The following BRF1 variants were observed in gnomAD, a reference collection of about 807,000 sequenced individuals.
The protein encoded by BRF1 is BRF1 general transcription factor IIIB subunit.
In BRF1, 59 loss-of-function variants were observed where a neutral mutation model predicts 81.7. The ratio of observed to expected loss-of-function variants is 0.72; its 90% CI spans 0.59 to 0.90. BRF1 has a LOEUF of 0.90. Ranked by LOEUF, BRF1 falls within the 40% of genes least tolerant of loss-of-function variation. The probability of loss-of-function intolerance (pLI) is 0.00; values close to 1 mark genes in which losing one functional copy is unlikely to be tolerated. For missense variants in BRF1, 1,050 were observed against 936.3 expected, an observed-to-expected ratio of 1.12 and a Z score of -1.58; for synonymous variants, 491 against 395.6, an observed-to-expected ratio of 1.24 and a Z score of -2.86.
At chr14:105,259,871 T>C (rs889223888) in intron 3 of BRF1, among the ~76,000 whole-genome samples, 11 of 151,978 alleles carry the variant, frequency 7.2e-5, no homozygotes, top group African/African-American at 2.4e-4. Context: ...GATGGAACCA[T>C]ACTGCACTCA....
At chr14:105,287,645 C>G (rs1354864230) in intron 1 of BRF1, among the ~76,000 whole-genome samples, 1 of 152,192 alleles carries the variant, frequency 6.6e-6, no homozygotes, top group South Asian at 2.1e-4. Context: ...AACCATGAGG[C>G]AGGGACCTCA....
chr14:105,217,424 T>C, intron 15 of BRF1, 120 bp downstream of exon 15: 3 of 1,475,658 alleles, frequency 2.0e-6, no homozygotes, highest in Non-Finnish European at 2.7e-6. Flanking sequence ...AGGTGGCAAA[T>C]GCCACTCCAG....
At chr14:105,242,269 C>T (rs1401273398) in intron 5 of BRF1, 2 of 152,172 alleles carry the variant, frequency 1.3e-5, no homozygotes, top group Non-Finnish European at 2.9e-5. Context: ...AAAATACACG[C>T]ACCCGCTGTG....
At chr14:105,247,194 G>A in intron 5 of BRF1, 3 of 985,428 alleles carry the variant, frequency 3.0e-6, no homozygotes, top group Non-Finnish European at 3.6e-6. Flanking sequence ...TCCTTGGCGG[G>A]TGCATCCACA....
intron 11 of BRF1, among the ~76,000 whole-genome samples, chr14:105,221,301 G>A (rs932858781): frequency 6.6e-6 from 1 of 152,308 alleles, no homozygotes; most frequent in African/African-American, 2.4e-5. Context: ...ACGTTCCCCC[G>A]ACCATGTTGG....
At chr14:105,219,395 C>A (rs940714464) in intron 12 of BRF1, 163 bp from the exon 13 acceptor site, 2 of 1,420,504 alleles carry the variant, frequency 1.4e-6, no homozygotes, top group Non-Finnish European at 1.9e-6. Flanking sequence ...TCGCGCGGGG[C>A]GAGTTGGGGA....
At chr14:105,229,387 G>T (rs891023441) in intron 6 of BRF1, among the ~76,000 whole-genome samples, 1 of 152,244 alleles carries the variant, frequency 6.6e-6, no homozygotes, top group Admixed American at 6.5e-5. Context: ...CGGCTTCTCA[G>T]GTGGACTGAA....
At chr14:105,223,789 A>T (rs945465654) in intron 10 of BRF1, among the ~76,000 whole-genome samples, 1 of 152,196 alleles carries the variant, frequency 6.6e-6, no homozygotes, top group South Asian at 2.1e-4. Flanking sequence ...CAGTTTTCAT[A>T]CGGCAATCAC....
intron 2 of BRF1, among the ~76,000 whole-genome samples, chr14:105,279,287 G>A (rs1595452113): frequency 6.6e-6 from 1 of 152,298 alleles, no homozygotes; most frequent in Non-Finnish European, 1.5e-5. Flanking sequence ...AGACGTGGGA[G>A]GAGGATTCGA....
At chr14:105,299,727 C>A (rs587745442) in intron 1 of BRF1, among the ~76,000 whole-genome samples, 3 of 152,174 alleles carry the variant, frequency 2.0e-5, no homozygotes, top group Non-Finnish European at 4.4e-5. Flanking sequence ...TTAGAACAAC[C>A]GAAATAAAAA....
At chr14:105,226,389 G>A in intron 8 of BRF1, 99 bp from the exon 9 acceptor site, 1 of 1,532,606 alleles carries the variant, frequency 6.5e-7, no homozygotes, top group Non-Finnish European at 9.0e-7. Flanking sequence ...CAGGCTGCTA[G>A]AACTTAGGGG....
At chr14:105,260,675 A>G (rs1411912735) in intron 3 of BRF1, among the ~76,000 whole-genome samples, 1 of 152,170 alleles carries the variant, frequency 6.6e-6, no homozygotes, top group Non-Finnish European at 1.5e-5. Flanking sequence ...CAAGCTCCAC[A>G]GAAAATTTTC....
intron 6 of BRF1, among the ~76,000 whole-genome samples, chr14:105,241,018 G>A (rs953342513): frequency 1.3e-5 from 2 of 152,198 alleles, no homozygotes; most frequent in African/African-American, 4.8e-5. Context: ...GGCAACCTGG[G>A]GTCAAGGCCG....
Position 105,272,902 on chromosome 14 carries a change from A to G in BRF1, c.266-8T>C. ...GGTGGATGTGGCGCCTCCCTAGGAC[A>G]CAGCACGAGGCAGCTCTTAGCCAAA... On this transcript the variant is annotated splice_region_variant and splice_polypyrimidine_tract_variant and intron_variant, in intron 2 of 17. Transcript: ENST00000547530. 1 of 1,594,434 alleles carries G rather than the reference A, an allele frequency of 6.3e-7. No individual in the cohort carries two copies. Among genetic ancestry groups the G allele is most frequent in the Non-Finnish European group, 8.6e-7 (1 of 1,166,556 alleles).
intron 2 of BRF1, among the ~76,000 whole-genome samples, chr14:105,275,082 C>T (rs1423108912): frequency 6.6e-6 from 1 of 152,222 alleles, no homozygotes; most frequent in Non-Finnish European, 1.5e-5. Context: ...GATAAGGGCA[C>T]ATGAGCTGGA....
intron 10 of BRF1, chr14:105,222,595 C>T (rs1892452813): frequency 6.6e-6 from 1 of 152,250 alleles, no homozygotes; most frequent in Non-Finnish European, 1.5e-5. Flanking sequence ...TGCACTTCCA[C>T]GCATGGTGCT....
At chr14:105,217,442 T>C in intron 15 of BRF1, 102 bp downstream of exon 15, 1 of 1,533,524 alleles carries the variant, frequency 6.5e-7, no homozygotes, top group Non-Finnish European at 8.8e-7. Context: ...CAGGCACTTC[T>C]GTGGCCCCGG....
chr14:105,295,453 C>CA (rs1320093151), intron 1 of BRF1, among the ~76,000 whole-genome samples: 2 of 151,276 alleles, frequency 1.3e-5, no homozygotes, highest in African/African-American at 4.9e-5. Flanking sequence ...AAGAAAAATA[C>CA]AAAAATTAGC....
chr14:105,211,772 T>C, intron 16 of BRF1: 3 of 425,098 alleles, frequency 7.1e-6, no homozygotes, highest in Non-Finnish European at 4.4e-6. Flanking sequence ...GAAAGACCCC[T>C]GAGCCCTGGA....
Sources: gnomAD v4.1 joint callset for allele counts (sites outside exome capture counted in the v4.1 genomes callset) on GRCh38, gnomAD v4.1.1 for gene constraint, MANE v1.5 for transcripts, NCBI Gene and HGNC (gene_info 2026-07-23, HGNC 2026-07-21) for gene names.